The following DDX54 variants were observed in gnomAD, a reference collection of about 807,000 sequenced individuals.
DDX54 encodes ATP-dependent RNA helicase DDX54.
A neutral mutation model predicts 105.5 loss-of-function variants in DDX54; 67 were observed. The observed-to-expected ratio is 0.64, with a 90% confidence interval of 0.52 to 0.78. DDX54 has a LOEUF of 0.78. Ranked by LOEUF, DDX54 falls within the 30% of genes least tolerant of loss-of-function variation. The probability of loss-of-function intolerance (pLI) is 0.00; values close to 1 mark genes in which losing one functional copy is unlikely to be tolerated. For synonymous variants in DDX54, 514 were observed against 509.9 expected, an observed-to-expected ratio of 1.01 and a Z score of -0.11; for missense variants, 1,206 against 1,230.5, an observed-to-expected ratio of 0.98 and a Z score of 0.30.
In DDX54 at chr12:113,176,867, T is replaced by C; in HGVS notation, c.725A>G (p.Glu242Gly). 6.2e-7 allele frequency: 1 copy of C among 1,614,152 alleles called. No individual in the cohort carries two copies. Among genetic ancestry groups the C allele is most frequent in the Non-Finnish European group, 8.5e-7 (1 of 1,180,042 alleles). The part of the protein sequence containing the change: ...VEMSLKLQSV[E>G]YVVFDEADRL... The stretch of plus-strand genomic sequence containing the variant: ...GTCAGCTTCATCGAACACCACGTAT[T>C]CCACACTCTGCAGCTTCAGGCTCAT... Residue 242 changes from glutamate (E) to glycine (G), a missense_variant, in exon 7 of 20, where the codon GAA becomes GGA. By Grantham distance (98) the Glu-to-Gly change is moderately conservative. Transcript: ENST00000306014.
At chr12:113,174,538 C>T (rs761390663) in intron 10 of DDX54, 102 bp downstream of exon 10, 6 of 1,494,700 alleles carry the variant, frequency 4.0e-6, no homozygotes, top group Non-Finnish European at 5.4e-6. Context: ...CAGGCCCAGG[C>T]TCCTGGTCCG....
chr12:113,164,841 G>A (rs1386730803), intron 14 of DDX54, among the ~76,000 whole-genome samples: 1 of 151,630 alleles, frequency 6.6e-6, no homozygotes, highest in African/African-American at 2.4e-5. Flanking sequence ...GAGCAGCCTA[G>A]GCAACATGAC....
In DDX54 at chr12:113,158,111, CTTCTCAGAACCT is replaced by C. The variant is rs1952156826; in HGVS notation, c.*754_*765del. 5.6e-6 allele frequency: 1 copy of C among 179,046 alleles called. No homozygotes were observed. The highest frequency in any genetic ancestry group is 1.4e-4 in the East Asian group (1 of 6,934). 11.1% of individuals were successfully genotyped at this position (179,046 alleles called of 1,614,324 possible). The stretch of plus-strand genomic sequence containing the variant: ...TCCAGCTGCTGGGGCTGCCCTTGAC[CTTCTCAGAACCT>C]CAAACAGGGGGTGGGTGGCAAGAAG... On this transcript the variant is annotated 3_prime_UTR_variant, in exon 20 of 20. Transcript: ENST00000306014. The surrounding 1 kb of genome is among the most constrained non-coding windows in gnomAD (Gnocchi z 4.9).
chr12:113,158,925 G>A lies in DDX54; in HGVS notation c.2598C>T (p.Phe866=), dbSNP rs555344760. ...CCTTCTTGGAGCGGGCACCCCGGCC[G>A]AAGGCGCCCTGCTGCAGCTCCTGGA... is the stretch of plus-strand genomic sequence containing the variant. ...RRVQELQQGA[F]GRGARSKKGK... is the part of the protein sequence containing the mutation. The change falls in exon 20 of 20, where the codon TTC becomes TTT. Residue 866 remains phenylalanine (F), a synonymous_variant. Coordinates refer to ENST00000306014, the MANE Select transcript of DDX54 (RefSeq NM_024072.4). The surrounding 1 kb of genome is among the most constrained non-coding windows in gnomAD (Gnocchi z 4.9). The A allele has an allele frequency of 1.6e-5, 26 of 1,609,480 alleles. No homozygotes were observed. The highest frequency in any genetic ancestry group is 3.3e-4 in the Middle Eastern group (2 of 6,048).
At chr12:113,183,325 G>T (rs1212940178) in intron 1 of DDX54, among the ~76,000 whole-genome samples, 1 of 152,248 alleles carries the variant, frequency 6.6e-6, no homozygotes, top group Non-Finnish European at 1.5e-5. Context: ...ACTACACTTA[G>T]ACTCCTCTTC....
At position 113,165,855 on chromosome 12, in the gene DDX54, A is replaced by T. The variant is rs1952266669; in HGVS notation, c.1592T>A (p.Ile531Asn). Residue 531 changes from isoleucine (I) to asparagine (N), a missense_variant, in exon 13 of 20, where the codon ATC becomes AAC. Ile to Asn is a moderately radical substitution (Grantham distance 149, BLOSUM62 -3). This residue lies in a region of DDX54 where 961 missense variants were observed against 1,019.1 expected (regional missense o/e 0.94). Transcript: ENST00000306014. The stretch of plus-strand genomic sequence containing the variant: ...AAGGTCCATCTCCTTGGCCCTCTTG[A>T]TGGACTCAGGCGAGGGCGCCGGGCG... ...RSRPAPSPES[I>N]KRAKEMDLVG... The T allele has an allele frequency of 6.2e-7, 1 of 1,613,100 alleles. No individual in the cohort carries two copies. Among genetic ancestry groups the T allele is most frequent in the Admixed American group, 1.7e-5 (1 of 59,970 alleles).
At chr12:113,161,195 G>T in intron 19 of DDX54, 75 bp downstream of exon 19, 1 of 1,212,642 alleles carries the variant, frequency 8.2e-7, no homozygotes, top group Non-Finnish European at 1.2e-6. Flanking sequence ...CTGCACCTGT[G>T]CCTCAGCGTT....
At position 113,163,300 on chromosome 12, in the gene DDX54, G is replaced by A. The variant is rs375222215; in HGVS notation, c.1939-26C>T. The A allele has an allele frequency of 6.3e-7, 1 of 1,599,834 alleles. No individual in the cohort carries two copies. On this transcript the variant is annotated intron_variant, in intron 15 of 19. Transcript: ENST00000306014. This position sits in a 1 kb window ranked among gnomAD's most constrained non-coding sequence, Gnocchi z 5.9. ...CTGGCAGAGCACAGACCAAGGCCCA[G>A]TGTCATGCCTGCTGCCCCCTGGGGA...
intron 17 of DDX54, 51 bp from the exon 18 acceptor site, chr12:113,162,048 G>T: frequency 6.4e-7 from 1 of 1,569,684 alleles, no homozygotes. Context: ...CCCTTGGAGT[G>T]CCGGCTGCCG....
intron 12 of DDX54, among the ~76,000 whole-genome samples, chr12:113,168,232 G>A (rs1156633900): frequency 6.6e-6 from 1 of 152,246 alleles, no homozygotes. Context: ...GCCGTGGCCT[G>A]GACAGAGACC....
rs570634937 is a variant in DDX54, at chr12:113,179,799, C to G, written c.375+136G>C. 4.8e-6 allele frequency: 5 copies of G among 1,041,114 alleles called. No homozygotes were observed. In the Admixed American group the frequency reaches 8.1e-5, roughly 17 times the overall value. 64.5% of individuals were successfully genotyped at this position (1,041,114 alleles called of 1,614,324 possible). On this transcript the variant is annotated intron_variant, in intron 3 of 19. Coordinates refer to ENST00000306014, the MANE Select transcript of DDX54 (RefSeq NM_024072.4). ...ACCTTCTCCACCTAGGAAGTGGGCACGCTAGCTGGGGCTTCAGCAGAGTAA... is the reference window on the plus strand; with the variant it reads ...ACCTTCTCCACCTAGGAAGTGGGCAGGCTAGCTGGGGCTTCAGCAGAGTAA...
intron 1 of DDX54, among the ~76,000 whole-genome samples, chr12:113,184,744 T>C (rs1952506323): frequency 6.6e-6 from 1 of 152,170 alleles, no homozygotes. Context: ...GAGGATCGCT[T>C]GAGCCCAGGA....
In DDX54 at chr12:113,159,021, G is replaced by A. The variant is rs778319729; in HGVS notation, c.2502C>T (p.Arg834=). ...GCAGGAAGTGCAGCTTCTGGGCCCG[G>A]CGCCGCTGCTTCAGGATCTGCTGCT... ...KTKQQILKQR[R]RAQKLHFLQR... The change falls in exon 20 of 20, where the codon CGC becomes CGT. Residue 834 remains arginine, a synonymous_variant. Transcript: ENST00000306014. The A allele has an allele frequency of 6.2e-7, 1 of 1,611,788 alleles. No homozygotes were observed. Among genetic ancestry groups the A allele is most frequent in the Non-Finnish European group, 8.5e-7 (1 of 1,179,276 alleles).
chr12:113,172,203 G>T, intron 11 of DDX54, 150 bp downstream of exon 11: 2 of 874,354 alleles, frequency 2.3e-6, no homozygotes, highest in Non-Finnish European at 3.4e-6. Flanking sequence ...GCGAGTTTGA[G>T]ACCAGCTTAA....
chr12:113,179,419 G>A, intron 3 of DDX54, 88 bp from the exon 4 acceptor site: 1 of 1,424,478 alleles, frequency 7.0e-7, no homozygotes, highest in Non-Finnish European at 9.5e-7. Flanking sequence ...GAGTGGGCAT[G>A]CTATAGATCT....
chr12:113,182,564 CTTT>C (rs1184368637), intron 1 of DDX54, among the ~76,000 whole-genome samples: 2 of 145,450 alleles, frequency 1.4e-5, no homozygotes, highest in South Asian at 2.2e-4. Flanking sequence ...CAGTCTTCTT[CTTT>C]TTTTTTTTTT....
chr12:113,164,128 G>A lies in DDX54; in HGVS notation c.1877C>T (p.Pro626Leu). The A allele has an allele frequency of 1.3e-6, 2 of 1,552,182 alleles. No homozygotes were observed. The highest frequency in any genetic ancestry group is 1.2e-5 in the South Asian group (1 of 84,242). The change falls in exon 15 of 20, where the codon CCA becomes CTA. Residue 626 changes from proline (P) to leucine (L), a missense_variant. Physicochemically the swap from Pro to Leu is moderately conservative, Grantham distance 98. Coordinates refer to ENST00000306014, the MANE Select transcript of DDX54 (RefSeq NM_024072.4). The stretch of plus-strand genomic sequence containing the variant: ...CTCAGGCTGCTTCTCCTGCAGTGCT[G>A]GGCGGCTCGGGGCTGGGCCCACTGG... ...EGPVGPAPSR[P>L]ALQEKQPEKE...
At position 113,159,067 on chromosome 12, in the gene DDX54, A is replaced by G. The variant is rs1267975176; in HGVS notation, c.2456T>C (p.Val819Ala). 6.2e-7 allele frequency: 1 copy of G among 1,608,506 alleles called. No homozygotes were observed. Among genetic ancestry groups the G allele is most frequent in the East Asian group, 2.2e-5 (1 of 44,838 alleles). Residue 819 changes from valine (V) to alanine (A), a missense_variant, in exon 20 of 20, where the codon GTC (valine) becomes GCC (alanine). Physicochemically the swap from Val to Ala is moderately conservative, Grantham distance 64. Transcript: ENST00000306014. The stretch of plus-strand genomic sequence containing the variant: ...CTGCTTGGTCTTGAGTTCCGGGCGG[A>G]CTCGGCCTGCAGGGGTGCCTGGGGC... ...PHAPGTPAGR[V>A]RPELKTKQQI...
chr12:113,175,008 C>T, intron 8 of DDX54, 28 bp downstream of exon 8: 1 of 1,612,554 alleles, frequency 6.2e-7, no homozygotes, highest in East Asian at 2.2e-5. Flanking sequence ...TGACCCCCAG[C>T]CCCCATCTCC....
Sources: gnomAD v4.1 joint callset for allele counts (sites outside exome capture counted in the v4.1 genomes callset) on GRCh38, gnomAD v4.1.1 for gene constraint, gnomAD v4.1.1 regional missense constraint, Gnocchi (gnomAD v3.1) non-coding constraint, MANE v1.5 for transcripts, NCBI Gene and HGNC (gene_info 2026-07-23, HGNC 2026-07-21) for gene names.